PLXDC2: variants seen among roughly 807,000 people sequenced by gnomAD.
The protein encoded by PLXDC2 is plexin domain-containing protein 2.
A neutral mutation model predicts 68.9 loss-of-function variants in PLXDC2; 40 were observed. The ratio of observed to expected loss-of-function variants is 0.58; its 90% CI spans 0.45 to 0.76. PLXDC2 has a LOEUF of 0.76. Ranked by LOEUF, PLXDC2 falls within the 30% of genes least tolerant of loss-of-function variation. The probability of loss-of-function intolerance (pLI) is 0.00; values close to 1 mark genes in which losing one functional copy is unlikely to be tolerated. For synonymous variants in PLXDC2, 243 were observed against 234.2 expected (o/e 1.04, Z -0.34); for missense variants, 644 against 661.9 (o/e 0.97, Z 0.30).
chr10:19,903,912 T>A (rs975819274), intron 1 of PLXDC2, among the ~76,000 whole-genome samples: 20 of 152,288 alleles, frequency 1.3e-4, no homozygotes, highest in Admixed American at 2.6e-4. Flanking sequence ...AATATTTTTT[T>A]AATTTTTGTC....
intron 1 of PLXDC2, among the ~76,000 whole-genome samples, chr10:19,984,569 G>C (rs1229727238): frequency 6.6e-6 from 1 of 152,180 alleles, no homozygotes; most frequent in Non-Finnish European, 1.5e-5. Context: ...TATTCTAGAA[G>C]GGATGCAGGA....
chr10:20,106,364 A>G lies in PLXDC2; in HGVS notation c.542-36931A>G, dbSNP rs564033710. Among the ~76,000 whole-genome samples the G allele has an allele frequency of 2.7e-4, 41 of 152,324 alleles. No individual in the cohort carries two copies. In the South Asian group the frequency reaches 7.0e-3, roughly 26 times the overall value. On this transcript the variant is annotated intron_variant, in intron 4 of 13. Coordinates refer to ENST00000377252, the MANE Select transcript of PLXDC2 (RefSeq NM_032812.9). ...CTGTGTTAGGGTCTTTGTCTCTGTC[A>G]TAAGAGCCACAGGAGGCTGGACGGT...
chr10:20,009,201 G>T (rs1835071582), intron 2 of PLXDC2, among the ~76,000 whole-genome samples: 1 of 152,206 alleles, frequency 6.6e-6, no homozygotes, highest in African/African-American at 2.4e-5. Flanking sequence ...GCAGAATGCT[G>T]CTATGCTGGT....
chr10:20,200,221 GA>G (rs2131847044), intron 9 of PLXDC2, among the ~76,000 whole-genome samples: 1 of 152,012 alleles, frequency 6.6e-6, no homozygotes, highest in East Asian at 1.9e-4. Context: ...TTAGTGTATA[GA>G]AATGTTTGCT....
intron 2 of PLXDC2, among the ~76,000 whole-genome samples, chr10:20,039,491 C>T (rs1439110790): frequency 6.6e-6 from 1 of 151,994 alleles, no homozygotes; most frequent in East Asian, 1.9e-4. Flanking sequence ...GGTTATTGAC[C>T]TTGAATCTCC....
At chr10:20,104,357 T>C (rs1833461814) in intron 4 of PLXDC2, among the ~76,000 whole-genome samples, 2 of 152,184 alleles carry the variant, frequency 1.3e-5, no homozygotes, top group Non-Finnish European at 2.9e-5. Context: ...TATTGAAAAT[T>C]TTAAGCCTCC....
chr10:20,190,450 C>T (rs1834749119), intron 9 of PLXDC2, among the ~76,000 whole-genome samples: 1 of 151,794 alleles, frequency 6.6e-6, no homozygotes, highest in African/African-American at 2.4e-5. Flanking sequence ...AAAGGCAAAG[C>T]TCACAGTTGG....
chr10:20,105,849 C>T (rs2358840), intron 4 of PLXDC2, among the ~76,000 whole-genome samples: 4,124 of 152,176 alleles, frequency 0.027, 80 homozygotes, highest in South Asian at 0.074. Context: ...GTGATGTGGA[C>T]GAGAGCATTA....
chr10:20,148,794 T>C (rs1425172687), intron 6 of PLXDC2, among the ~76,000 whole-genome samples: 1 of 152,162 alleles, frequency 6.6e-6, no homozygotes, highest in Non-Finnish European at 1.5e-5. Context: ...TACTTTTTCC[T>C]TGAGAATTGA....
Position 19,975,894 on chromosome 10 carries a change from C to T in PLXDC2, c.113-25881C>T, listed in dbSNP as rs183486336. On this transcript the variant is annotated intron_variant, in intron 1 of 13. Transcript: ENST00000377252. ...TGGCATGCGCCTGTAATCCCAGCTACTTGGGAGGCTGAGGCAGGAGAATGG... is the reference window on the plus strand; with the variant it reads ...TGGCATGCGCCTGTAATCCCAGCTATTTGGGAGGCTGAGGCAGGAGAATGG... Among the ~76,000 whole-genome samples, 674 of 152,108 alleles carry T rather than the reference C, an allele frequency of 4.4e-3. 5 individuals are homozygous for T. Among genetic ancestry groups the T allele is most frequent in the African/African-American group, 0.015 (637 of 41,518 alleles).
At chr10:20,115,255 C>T (rs1281510859) in intron 4 of PLXDC2, among the ~76,000 whole-genome samples, 1 of 152,164 alleles carries the variant, frequency 6.6e-6, no homozygotes, top group Non-Finnish European at 1.5e-5. Context: ...GCAAAGGCCA[C>T]TTGAGAGGTA....
intron 13 of PLXDC2, among the ~76,000 whole-genome samples, chr10:20,252,641 TC>T (rs368395856): frequency 3.9e-5 from 6 of 152,198 alleles, no homozygotes; most frequent in African/African-American, 1.4e-4. Flanking sequence ...AGTTGACCAG[TC>T]ACTCATTCAT....
intron 4 of PLXDC2, among the ~76,000 whole-genome samples, chr10:20,136,022 G>GA (rs1302727755): frequency 6.6e-6 from 1 of 152,066 alleles, no homozygotes; most frequent in East Asian, 1.9e-4. Flanking sequence ...TAGCTGGTTG[G>GA]AATTATAAAG....
At chr10:19,942,473 T>A (rs1431983888) in intron 1 of PLXDC2, among the ~76,000 whole-genome samples, 1 of 152,148 alleles carries the variant, frequency 6.6e-6, no homozygotes, top group Non-Finnish European at 1.5e-5. Flanking sequence ...TCTCATTAAA[T>A]CTAATTGGGC....
At chr10:20,055,380 G>A (rs557279496) in intron 3 of PLXDC2, among the ~76,000 whole-genome samples, 1 of 152,168 alleles carries the variant, frequency 6.6e-6, no homozygotes, top group East Asian at 1.9e-4. Flanking sequence ...GGCGACTTTA[G>A]TAAGTTGGTT....
intron 1 of PLXDC2, among the ~76,000 whole-genome samples, chr10:19,960,925 T>C (rs1834145699): frequency 6.6e-6 from 1 of 152,244 alleles, no homozygotes; most frequent in African/African-American, 2.4e-5. Context: ...GGCTTAAGTG[T>C]AGCAGTTGTT....
At chr10:20,137,755 C>G (rs1465000108) in intron 4 of PLXDC2, among the ~76,000 whole-genome samples, 2 of 152,248 alleles carry the variant, frequency 1.3e-5, no homozygotes, top group African/African-American at 4.8e-5. Context: ...AAAACTGATT[C>G]GTGGCCAGGG....
At chr10:20,102,646 A>G (rs1440508639) in intron 4 of PLXDC2, among the ~76,000 whole-genome samples, 1 of 152,208 alleles carries the variant, frequency 6.6e-6, no homozygotes, top group Middle Eastern at 3.2e-3. Context: ...AACTGAGCAA[A>G]TGGCAGGGCC....
chr10:19,839,570 C>T (rs1836865770), intron 1 of PLXDC2, among the ~76,000 whole-genome samples: 1 of 151,764 alleles, frequency 6.6e-6, no homozygotes, highest in Non-Finnish European at 1.5e-5. Flanking sequence ...GAAATTGCTT[C>T]ACCCTTAATT....
Sources: allele counts gnomAD v4.1 joint callset (sites outside exome capture counted in the v4.1 genomes callset), GRCh38; gene constraint gnomAD v4.1.1; transcripts MANE v1.5; gene names NCBI Gene and HGNC (gene_info 2026-07-23, HGNC 2026-07-21).